Variants in CDC45 observed in about 807,000 individuals in gnomAD.
The protein encoded by CDC45 is cell division cycle 45.
A neutral mutation model predicts 77.8 loss-of-function variants in CDC45; 54 were observed. The observed-to-expected ratio is 0.69, with a 90% confidence interval of 0.56 to 0.87. The LOEUF is 0.87. CDC45 is among the 40% of genes least tolerant of loss of function. The pLI, the probability that CDC45 is intolerant of heterozygous loss-of-function variation, is 0.00. For missense variants in CDC45, 649 were observed against 721.6 expected (o/e 0.90, Z 1.15); for synonymous variants, 260 against 272.1 (o/e 0.96, Z 0.44).
chr22:19,504,647 G>A (rs1234614594), intron 9 of CDC45, among the ~76,000 whole-genome samples: 1 of 152,130 alleles, frequency 6.6e-6, no homozygotes, highest in African/African-American at 2.4e-5. Context: ...TGGAAAATTG[G>A]GAGAGTTGAT....
intron 18 of CDC45, among the ~76,000 whole-genome samples, chr22:19,519,987 G>A (rs548926718): frequency 4.6e-5 from 7 of 152,354 alleles, no homozygotes; most frequent in South Asian, 4.1e-4. Flanking sequence ...CTCCTTAGAC[G>A]ATGAGTGTGA....
chr22:19,500,499 T>G (rs1285030739), intron 9 of CDC45, among the ~76,000 whole-genome samples: 1 of 152,166 alleles, frequency 6.6e-6, no homozygotes, highest in Non-Finnish European at 1.5e-5. Flanking sequence ...TTCCCCTAAC[T>G]GCTCCATAGA....
chr22:19,504,692 A>AGT (rs1237445397), intron 9 of CDC45, among the ~76,000 whole-genome samples: 1 of 152,184 alleles, frequency 6.6e-6, no homozygotes, highest in African/African-American at 2.4e-5. Context: ...ATCAGGGTGT[A>AGT]CAAACTGCAC....
chr22:19,502,199 T>C (rs1011415531), intron 9 of CDC45, among the ~76,000 whole-genome samples: 4 of 152,218 alleles, frequency 2.6e-5, no homozygotes, highest in African/African-American at 9.6e-5. Flanking sequence ...TTTTACAGTC[T>C]TAAAACCTTT....
At chr22:19,484,033 C>G in intron 5 of CDC45, 28 bp downstream of exon 5, 1 of 1,573,254 alleles carries the variant, frequency 6.4e-7, no homozygotes, top group Non-Finnish European at 8.6e-7. Context: ...ACAGCTATCC[C>G]AGAGGAACTT....
In CDC45 at chr22:19,486,178, C is replaced by T. The variant is rs559875006; in HGVS notation, c.486+2173C>T. 4.6e-5 allele frequency among the ~76,000 whole-genome samples: 7 copies of T among 152,312 alleles called. No homozygotes were observed. In the East Asian group the frequency reaches 1.2e-3, roughly 25 times the overall value. On this transcript the variant is annotated intron_variant, in intron 5 of 18. Coordinates refer to ENST00000263201, the MANE Select transcript of CDC45 (RefSeq NM_003504.5). ...CTAGGATTACAGGCATGCACTGCCACAGCCAGCCAGAAACCATGATATTCT... is the reference window on the plus strand; with the variant it reads ...CTAGGATTACAGGCATGCACTGCCATAGCCAGCCAGAAACCATGATATTCT...
intron 8 of CDC45, among the ~76,000 whole-genome samples, chr22:19,498,428 C>G (rs912733122): frequency 6.6e-6 from 1 of 152,240 alleles, no homozygotes; most frequent in Non-Finnish European, 1.5e-5. Flanking sequence ...GTCCGCTGTG[C>G]GGGCTGCACC....
intron 13 of CDC45, among the ~76,000 whole-genome samples, chr22:19,512,504 T>G (rs570224457): frequency 2.6e-5 from 4 of 152,314 alleles, no homozygotes; most frequent in African/African-American, 7.2e-5. Context: ...TTTTGCAATC[T>G]AGTTGCTCTA....
At chr22:19,497,554 G>A (rs1248960953) in intron 8 of CDC45, 107 bp downstream of exon 8, 4 of 927,752 alleles carry the variant, frequency 4.3e-6, no homozygotes, top group African/African-American at 3.2e-5. Flanking sequence ...GTCCCCACCA[G>A]GAGTGTCAGA....
chr22:19,479,501 G>A, upstream of CDC45: 1 of 583,882 alleles, frequency 1.7e-6, no homozygotes, highest in South Asian at 1.5e-5. Flanking sequence ...GGACTCGGGC[G>A]GAACTAAGCT....
intron 5 of CDC45, among the ~76,000 whole-genome samples, chr22:19,490,660 C>T (rs907603197): frequency 1.3e-5 from 2 of 151,654 alleles, no homozygotes; most frequent in Admixed American, 6.6e-5. Flanking sequence ...ACAGCCACTG[C>T]GTCCAGCCTG....
chr22:19,499,014 GC>G, intron 8 of CDC45, 86 bp from the exon 9 acceptor site: 1 of 1,414,120 alleles, frequency 7.1e-7, no homozygotes, highest in Non-Finnish European at 1.0e-6. Context: ...CTGAGCTTGG[GC>G]CCGTTCCATC....
chr22:19,482,568 A>AC (rs2089999789), intron 3 of CDC45, 122 bp from the exon 4 acceptor site: 2 of 1,060,626 alleles, frequency 1.9e-6, no homozygotes, highest in Admixed American at 4.8e-5. Flanking sequence ...GTCCCTTGCC[A>AC]CGTGGGCCTC....
chr22:19,518,729 G>A, intron 17 of CDC45, 115 bp from the exon 18 acceptor site: 1 of 800,036 alleles, frequency 1.2e-6, no homozygotes, highest in Admixed American at 1.8e-5. Flanking sequence ...CACAGGCCGG[G>A]AGGAGCCGCG....
chr22:19,483,377 A>C (rs2090015064), intron 4 of CDC45, among the ~76,000 whole-genome samples: 1 of 152,088 alleles, frequency 6.6e-6, no homozygotes, highest in East Asian at 1.9e-4. Flanking sequence ...GCTTGCAGTG[A>C]GCCGAGATCG....
At chr22:19,518,255 G>A (rs1933910891) in intron 17 of CDC45, among the ~76,000 whole-genome samples, 1 of 152,180 alleles carries the variant, frequency 6.6e-6, no homozygotes, top group South Asian at 2.1e-4. Flanking sequence ...CATGTCTAGT[G>A]CCCACCTGCG....
At chr22:19,489,809 G>A (rs1006169036) in intron 5 of CDC45, among the ~76,000 whole-genome samples, 1 of 152,222 alleles carries the variant, frequency 6.6e-6, no homozygotes, top group African/African-American at 2.4e-5. Context: ...AGAGTTGGTG[G>A]TGGTGTTGAG....
At chr22:19,488,551 G>C (rs989698888) in intron 5 of CDC45, among the ~76,000 whole-genome samples, 2 of 152,196 alleles carry the variant, frequency 1.3e-5, no homozygotes, top group Non-Finnish European at 2.9e-5. Flanking sequence ...ACCAGCCTTG[G>C]AGTACCTCAG....
chr22:19,516,745 T>C, intron 16 of CDC45, 72 bp from the exon 17 acceptor site: 1 of 875,452 alleles, frequency 1.1e-6, no homozygotes, highest in East Asian at 5.1e-5. Context: ...CTCTAGTGTC[T>C]GTCCTGGGGC....
Sources: allele counts gnomAD v4.1 joint callset (sites outside exome capture counted in the v4.1 genomes callset), GRCh38; gene constraint gnomAD v4.1.1; transcripts MANE v1.5; gene names NCBI Gene and HGNC (gene_info 2026-07-23, HGNC 2026-07-21).